The following CST9L variants were observed in gnomAD, a reference collection of about 807,000 sequenced individuals.
CST9L encodes cystatin 9 like.
In CST9L, 17 loss-of-function variants were observed where a neutral mutation model predicts 13.2. The observed-to-expected ratio is 1.29, with a 90% confidence interval of 0.88 to 1.93. The LOEUF (loss-of-function observed/expected upper bound fraction) is 1.93, where lower values mean the gene tolerates loss of function less well. Ranked by LOEUF, CST9L falls within the 30% of genes most tolerant of loss-of-function variation. The pLI is 0.00. For missense variants in CST9L, 170 were observed against 170.5 expected (o/e 1.00, Z 0.02); for synonymous variants, 78 against 69.1 (o/e 1.13, Z -0.64).
intron 2 of CST9L, among the ~76,000 whole-genome samples, chr20:23,565,302 G>A (rs62206983): frequency 2.6e-5 from 4 of 152,096 alleles, no homozygotes; most frequent in Admixed American, 6.5e-5. Flanking sequence ...GGGGAACCCC[G>A]GGCTGTCCTG....
chr20:23,567,166 G>A (rs1465719445), intron 1 of CST9L, among the ~76,000 whole-genome samples: 2 of 152,106 alleles, frequency 1.3e-5, no homozygotes, highest in African/African-American at 4.8e-5. Flanking sequence ...TTCTTGCAAG[G>A]TTTCAGTAAT....
Position 23,564,861 on chromosome 20 carries a change from C to A in CST9L, c.*87G>T, listed in dbSNP as rs1989068406. On this transcript the variant is annotated 3_prime_UTR_variant, in exon 3 of 3. Coordinates refer to ENST00000376979, the MANE Select transcript of CST9L (RefSeq NM_080610.3). ...GATAACAAACAAGTCCAAAGCTGCT[C>A]AGCCACTGAAGAGTCCTCAGGAGAG... 3 of 903,282 alleles carry A rather than the reference C, an allele frequency of 3.3e-6. No individual in the cohort carries two copies. Among genetic ancestry groups the A allele is most frequent in the South Asian group, 1.3e-5 (1 of 75,888 alleles). The allele number at this position is 903,282 out of a possible 1,614,324, so 56.0% of individuals were successfully genotyped here. A position where few individuals can be genotyped will look rare whatever the true frequency, so the allele number is the denominator to read the frequency against.
intron 2 of CST9L, among the ~76,000 whole-genome samples, chr20:23,565,542 C>T (rs1465779615): frequency 6.6e-6 from 1 of 152,148 alleles, no homozygotes; most frequent in Non-Finnish European, 1.5e-5. Flanking sequence ...TTCTCAGCCT[C>T]TACCACTTTT....
intron 1 of CST9L, among the ~76,000 whole-genome samples, chr20:23,567,057 G>C (rs995594957): frequency 1.1e-4 from 16 of 152,158 alleles, no homozygotes; most frequent in Non-Finnish European, 2.2e-4. Flanking sequence ...CACGTGGCAG[G>C]CTCCAGCCCA....
rs760801440 is a variant in CST9L at position 23,568,413 on chromosome 20, G to T, written c.38C>A (p.Ala13Glu). 1.2e-6 allele frequency: 2 copies of T among 1,613,952 alleles called. No homozygotes were observed. The highest frequency in any genetic ancestry group is 1.3e-5 in the African/African-American group (1 of 74,908). Reference sequence around the variant, plus strand: ...GGAGCCTAAGAGAAGCAGCAGCAGCGCCCAGGACAGACCTCCCTTCCACGG... The same window carrying T: ...GGAGCCTAAGAGAAGCAGCAGCAGCTCCCAGGACAGACCTCCCTTCCACGG... ...GLPWKGGLSW[A>E]LLLLLLGSQI... Residue 13 changes from alanine (A) to glutamate (E), a missense_variant, in exon 1 of 3, where the codon GCG becomes GAG. By Grantham distance (107) the Ala-to-Glu change is moderately radical. Transcript: ENST00000376979.
rs1555804035 is a variant in CST9L, at chr20:23,568,378, G to A, written c.73C>T (p.Leu25=). The part of the protein sequence containing the change: ...LLLLLGSQIL[L]IYAWHFHEQR... ...TCGTGGAAATGCCAGGCATAGATCAGCAGGATCTGGGAGCCTAAGAGAAGC... is the reference window on the plus strand; with the variant it reads ...TCGTGGAAATGCCAGGCATAGATCAACAGGATCTGGGAGCCTAAGAGAAGC... Residue 25 remains leucine (L), a synonymous_variant, in exon 1 of 3, where the codon CTG becomes TTG. Transcript: ENST00000376979. 1.2e-6 allele frequency: 2 copies of A among 1,614,172 alleles called. No homozygotes were observed. The highest frequency in any genetic ancestry group is 1.7e-6 in the Non-Finnish European group (2 of 1,179,992).
Position 23,566,076 on chromosome 20 carries a change from C to T in CST9L, c.252G>A (p.Lys84=), listed in dbSNP as rs758624895. The stretch of plus-strand genomic sequence containing the variant: ...GCAGTAGCTCCATTGAGAATACAGT[C>T]TTGGACTCCACCTATTGCACACAGA... ...LNSWKEQVES[K]TVFSMELLLG... The change falls in exon 2 of 3, where the codon AAG becomes AAA. Residue 84 remains lysine, a synonymous_variant. Coordinates refer to ENST00000376979, the MANE Select transcript of CST9L (RefSeq NM_080610.3). 17 of 1,586,566 alleles carry T rather than the reference C, an allele frequency of 1.1e-5. No individual in the cohort carries two copies. In the South Asian group the frequency reaches 1.8e-4, roughly 16 times the overall value.
chr20:23,566,131 G>T, intron 1 of CST9L, 44 bp from the exon 2 acceptor site: 1 of 1,070,432 alleles, frequency 9.3e-7, no homozygotes, highest in Non-Finnish European at 1.5e-6. Context: ...CCTCCTTGTT[G>T]CCCCTAAGTA....
chr20:23,565,067 G>A (rs1479970685), intron 2 of CST9L, 30 bp from the exon 3 acceptor site: 1 of 1,501,114 alleles, frequency 6.7e-7, no homozygotes, highest in Admixed American at 1.7e-5. Context: ...AAGGGACAGT[G>A]GGTGAGGGAG....
chr20:23,565,408 A>G (rs1989078342), intron 2 of CST9L, among the ~76,000 whole-genome samples: 1 of 152,166 alleles, frequency 6.6e-6, no homozygotes, highest in Non-Finnish European at 1.5e-5. Context: ...TTTTAATATT[A>G]CAATAAGGGT....
chr20:23,567,585 A>G (rs965197405), intron 1 of CST9L, among the ~76,000 whole-genome samples: 1 of 151,406 alleles, frequency 6.6e-6, no homozygotes, highest in Non-Finnish European at 1.5e-5. Context: ...TGAACTGTGC[A>G]TTCCTGATTG....
intron 1 of CST9L, among the ~76,000 whole-genome samples, chr20:23,566,619 C>G (rs185559401): frequency 6.6e-6 from 1 of 152,202 alleles, no homozygotes; most frequent in Non-Finnish European, 1.5e-5. Context: ...GGTGTGGTGG[C>G]TCACACCTGT....
rs780118220 is a variant in CST9L, at chr20:23,564,934, T to C, written c.*14A>G. On this transcript the variant is annotated 3_prime_UTR_variant, in exon 3 of 3. Coordinates refer to ENST00000376979, the MANE Select transcript of CST9L (RefSeq NM_080610.3). ...TGGGAGCAGCACATGGACAAGCCTG[T>C]GAGTGGGTTTCACTCAGTGGAATCC... 1.3e-6 allele frequency: 2 copies of C among 1,587,816 alleles called. No individual in the cohort carries two copies. Among genetic ancestry groups the C allele is most frequent in the Non-Finnish European group, 1.7e-6 (2 of 1,155,988 alleles).
In CST9L at chr20:23,564,763, A is replaced by G. The variant is rs1002403191; in HGVS notation, c.*185T>C. On this transcript the variant is annotated 3_prime_UTR_variant, in exon 3 of 3. Coordinates refer to ENST00000376979, the MANE Select transcript of CST9L (RefSeq NM_080610.3). ...AAAATGCTGATGTTTAATGATCTACACTACATGATTAGGCTCAAGATGTGT... is the reference window on the plus strand; with the variant it reads ...AAAATGCTGATGTTTAATGATCTACGCTACATGATTAGGCTCAAGATGTGT... 5.0e-5 allele frequency: 30 copies of G among 597,320 alleles called. No homozygotes were observed. The highest frequency in any genetic ancestry group is 3.0e-4 in the African/African-American group (16 of 54,032). 37.0% of individuals were successfully genotyped at this position (597,320 alleles called of 1,614,324 possible).
Position 23,564,879 on chromosome 20 carries a change from C to T in CST9L, c.*69G>A. On this transcript the variant is annotated 3_prime_UTR_variant, in exon 3 of 3. Coordinates refer to ENST00000376979, the MANE Select transcript of CST9L (RefSeq NM_080610.3). ...AGCTGCTCAGCCACTGAAGAGTCCT[C>T]AGGAGAGTAGTGCTGATGTCCACGG... The T allele has an allele frequency of 3.6e-6, 4 of 1,100,214 alleles. No homozygotes were observed. Among genetic ancestry groups the T allele is most frequent in the Non-Finnish European group, 5.6e-6 (4 of 710,606 alleles). 68.2% of individuals were successfully genotyped at this position (1,100,214 alleles called of 1,614,324 possible).
At chr20:23,566,378 G>A (rs548702554) in intron 1 of CST9L, among the ~76,000 whole-genome samples, 1 of 152,340 alleles carries the variant, frequency 6.6e-6, no homozygotes, top group African/African-American at 2.4e-5. Context: ...GTCTGAACCT[G>A]CAGCTGCATT....
Position 23,568,387 on chromosome 20 carries a change from G to A in CST9L, c.64C>T (p.Gln22Ter), listed in dbSNP as rs1199390573. The change falls in exon 1 of 3, where the codon CAG becomes TAG. Residue 22 changes from glutamine (Q) to a stop codon, truncating the protein, a stop_gained. Transcript: ENST00000376979. LOFTEE classifies it high-confidence loss of function. The stretch of plus-strand genomic sequence containing the variant: ...TGCCAGGCATAGATCAGCAGGATCT[G>A]GGAGCCTAAGAGAAGCAGCAGCAGC... Reference protein sequence around the residue: ...WALLLLLLGSQILLIYAWHFH... With the variant: ...WALLLLLLGS 2 of 1,614,010 alleles carry A rather than the reference G, an allele frequency of 1.2e-6. No individual in the cohort carries two copies. Among genetic ancestry groups the A allele is most frequent in the Non-Finnish European group, 1.7e-6 (2 of 1,179,994 alleles).
intron 1 of CST9L, among the ~76,000 whole-genome samples, chr20:23,567,464 C>T (rs940121293): frequency 1.4e-5 from 2 of 146,566 alleles, no homozygotes; most frequent in Admixed American, 7.0e-5. Flanking sequence ...GCGGAGATGA[C>T]GCCACTGTAC....
chr20:23,568,451 G>A lies in CST9L; in HGVS notation c.-1C>T. 1.9e-6 allele frequency: 3 copies of A among 1,613,314 alleles called. No homozygotes were observed. Among genetic ancestry groups the A allele is most frequent in the Non-Finnish European group, 2.5e-6 (3 of 1,179,600 alleles). ...CTCCCTTCCACGGCAGGCCCAGCATGGTGCTGACTGTAGGCACCGCTGACT... is the reference window on the plus strand; with the variant it reads ...CTCCCTTCCACGGCAGGCCCAGCATAGTGCTGACTGTAGGCACCGCTGACT... On this transcript the variant is annotated 5_prime_UTR_variant, in exon 1 of 3. Transcript: ENST00000376979.
Sources: gnomAD v4.1 joint callset for allele counts (sites outside exome capture counted in the v4.1 genomes callset) on GRCh38, gnomAD v4.1.1 for gene constraint, MANE v1.5 for transcripts, NCBI Gene and HGNC (gene_info 2026-07-23, HGNC 2026-07-21) for gene names.